RIMS2: variants seen among roughly 807,000 people sequenced by gnomAD.
RIMS2 encodes the protein regulating synaptic membrane exocytosis protein 2.
Under a neutral mutation model 174.4 loss-of-function variants are expected in RIMS2, and 59 were observed. The ratio of observed to expected loss-of-function variants is 0.34; its 90% CI spans 0.27 to 0.42. The LOEUF (loss-of-function observed/expected upper bound fraction) is 0.42, where lower values mean the gene tolerates loss of function less well. Ranked by LOEUF, RIMS2 falls within the 10% of genes least tolerant of loss-of-function variation. The pLI is 1.00. For synonymous variants in RIMS2, 606 were observed against 572.5 expected (o/e 1.06, Z -0.84); for missense variants, 1,620 against 1,666.3 (o/e 0.97, Z 0.48).
intron 1 of RIMS2, among the ~76,000 whole-genome samples, chr8:103,552,056 C>G (rs1229803702): frequency 6.6e-6 from 1 of 152,128 alleles, no homozygotes; most frequent in African/African-American, 2.4e-5. Flanking sequence ...AGTGGTATCC[C>G]CATCAAGCTA....
chr8:103,552,498 A>G (rs1848473864), intron 1 of RIMS2, among the ~76,000 whole-genome samples: 1 of 152,238 alleles, frequency 6.6e-6, no homozygotes, highest in South Asian at 2.1e-4. Context: ...TAAAAACGCT[A>G]GAAGAAAACC....
chr8:103,510,500 T>C (rs1393133225), intron 1 of RIMS2, among the ~76,000 whole-genome samples: 1 of 152,164 alleles, frequency 6.6e-6, no homozygotes, highest in East Asian at 1.9e-4. Context: ...GTTTCCTTGC[T>C]CATTTGGGTT....
intron 1 of RIMS2, among the ~76,000 whole-genome samples, chr8:103,557,901 C>G (rs1001623359): frequency 1.3e-5 from 2 of 152,122 alleles, no homozygotes; most frequent in African/African-American, 4.8e-5. Context: ...AGTTCCAGCT[C>G]TCCTGTAAAT....
intron 3 of RIMS2, among the ~76,000 whole-genome samples, chr8:103,787,632 G>T (rs984826633): frequency 1.4e-4 from 21 of 152,058 alleles, no homozygotes; most frequent in Non-Finnish European, 2.6e-4. Context: ...GGTTTCTGCC[G>T]AGAGATCTGC....
chr8:104,253,285 A>G (rs769355301), downstream of RIMS2: 1 of 152,126 alleles, frequency 6.6e-6, no homozygotes, highest in Non-Finnish European at 1.5e-5. Flanking sequence ...TTGTTTTTTA[A>G]TCATTTAAAG....
chr8:104,222,795 A>G (rs1028655443), intron 19 of RIMS2, among the ~76,000 whole-genome samples: 1 of 152,216 alleles, frequency 6.6e-6, no homozygotes, highest in African/African-American at 2.4e-5. Flanking sequence ...AGATTATTTA[A>G]TTTAGAGAAA....
intron 19 of RIMS2, among the ~76,000 whole-genome samples, chr8:104,069,646 T>C (rs2097164378): frequency 6.6e-6 from 1 of 151,756 alleles, no homozygotes; most frequent in Non-Finnish European, 1.5e-5. Context: ...TTTTTGTATT[T>C]TTAGGAGAGA....
chr8:103,657,801 C>T (rs1435583070), intron 1 of RIMS2, among the ~76,000 whole-genome samples: 1 of 152,152 alleles, frequency 6.6e-6, no homozygotes, highest in African/African-American at 2.4e-5. Context: ...GTTGATACAG[C>T]TGGGTTCTGA....
intron 13 of RIMS2, among the ~76,000 whole-genome samples, chr8:103,940,875 CAAA>C (rs11284715): frequency 9.7e-5 from 9 of 92,906 alleles, no homozygotes; most frequent in Admixed American, 1.2e-4. Context: ...GACTCCATCT[CAAA>C]AAAAAAAAAA....
chr8:104,095,412 A>G (rs1208578988), intron 19 of RIMS2, among the ~76,000 whole-genome samples: 1 of 152,172 alleles, frequency 6.6e-6, no homozygotes, highest in Non-Finnish European at 1.5e-5. Flanking sequence ...GCCTTTCTTA[A>G]ACTCAATCCA....
At chr8:104,236,329 T>G (rs1308853119) in intron 19 of RIMS2, among the ~76,000 whole-genome samples, 1 of 152,060 alleles carries the variant, frequency 6.6e-6, no homozygotes, top group Non-Finnish European at 1.5e-5. Context: ...AGTAATACTT[T>G]GGTACCACAT....
chr8:104,015,502 G>T (rs2095875915), intron 19 of RIMS2: 2 of 639,020 alleles, frequency 3.1e-6, no homozygotes. Flanking sequence ...AGCCTTTTTG[G>T]GGGGCTAGTA....
At chr8:103,563,390 T>C (rs2091902105) in intron 1 of RIMS2, among the ~76,000 whole-genome samples, 1 of 152,192 alleles carries the variant, frequency 6.6e-6, no homozygotes, top group Non-Finnish European at 1.5e-5. Context: ...CACAGATCTC[T>C]AGGGCAGGGG....
chr8:103,805,738 A>G (rs552746498), intron 3 of RIMS2, among the ~76,000 whole-genome samples: 6 of 151,724 alleles, frequency 4.0e-5, no homozygotes, highest in East Asian at 3.9e-4. Context: ...TTTTTTGTCT[A>G]TTTCTTAGAG....
chr8:103,898,606 A>G (rs2099307131), intron 4 of RIMS2, among the ~76,000 whole-genome samples: 1 of 151,438 alleles, frequency 6.6e-6, no homozygotes, highest in African/African-American at 2.4e-5. Context: ...AAGGAATATA[A>G]TGTAGGCCAT....
Position 104,046,940 on chromosome 8 carries a change from A to C in RIMS2, c.3334+32325A>C, listed in dbSNP as rs540435595. Among the ~76,000 whole-genome samples, 15 of 152,218 alleles carry C rather than the reference A, an allele frequency of 9.9e-5. No homozygotes were observed. The East Asian group carries it at 2.9e-3, about 29-fold the overall frequency. On this transcript the variant is annotated intron_variant, in intron 19 of 23. Coordinates refer to ENST00000504942, the Ensembl canonical transcript of RIMS2. ...ATATTTTATTAAGTATTCTTATGAT[A>C]CATCTAAACAAAAGTCTCAAATGAA...
At chr8:103,654,411 A>G (rs1041390044) in intron 1 of RIMS2, among the ~76,000 whole-genome samples, 7 of 151,994 alleles carry the variant, frequency 4.6e-5, no homozygotes, top group Non-Finnish European at 8.8e-5. Flanking sequence ...TAGCACTTTT[A>G]GATGATTTAA....
exon 4 of RIMS2, chr8:103,885,341 G>T: frequency 6.2e-7 from 1 of 1,610,124 alleles, no homozygotes; most frequent in South Asian, 1.1e-5. Context: ...TAGAAGATAC[G>T]ACCAAAGGGA....
chr8:104,064,317 T>A (rs1566126291), intron 19 of RIMS2, among the ~76,000 whole-genome samples: 1 of 152,150 alleles, frequency 6.6e-6, no homozygotes, highest in Non-Finnish European at 1.5e-5. Context: ...TGGATTTTTT[T>A]TCGTCAGTGG....
Sources: gnomAD v4.1 joint callset for allele counts (sites outside exome capture counted in the v4.1 genomes callset) on GRCh38, gnomAD v4.1.1 for gene constraint, MANE v1.5 for transcripts, NCBI Gene and HGNC (gene_info 2026-07-23, HGNC 2026-07-21) for gene names.